Variants in PRRC2B observed in about 807,000 individuals in gnomAD.
PRRC2B encodes the protein protein PRRC2B.
Under a neutral mutation model 242.3 loss-of-function variants are expected in PRRC2B, and 68 were observed. The ratio of observed to expected loss-of-function variants is 0.28; its 90% CI spans 0.23 to 0.34. PRRC2B has a LOEUF of 0.34. PRRC2B is among the 10% of genes least tolerant of loss of function. The pLI is 1.00. For synonymous variants in PRRC2B, 1,228 were observed against 1,173.6 expected, an observed-to-expected ratio of 1.05 and a Z score of -0.95; for missense variants, 2,835 against 2,954.8, an observed-to-expected ratio of 0.96 and a Z score of 0.94.
chr9:131,448,556 A>AAAAAACAAAAAAAAG (rs1564287306), intron 9 of PRRC2B, among the ~76,000 whole-genome samples: 1 of 127,210 alleles, frequency 7.9e-6, no homozygotes, highest in Non-Finnish European at 1.7e-5. Flanking sequence ...AAAAAAAAAA[A>AAAAAACAAAAAAAAG]AAAAAAAAAA....
Position 131,447,172 on chromosome 9 carries a change from C to T in PRRC2B, c.943C>T (p.Pro315Ser). The change falls in exon 8 of 32, where the codon CCT becomes TCT. Residue 315 changes from proline to serine, a missense_variant. Around this residue, in one of 7 missense-constraint regions of PRRC2B, gnomAD observed 626 missense variants for 685.5 expected, o/e 0.91. Transcript: ENST00000683519. ...TCAGCTCCGCCTTGAACCTCGAGTT[C>T]CTTTTAGACAGTTCCAGATGAATGA... ...LPQLRLEPRV[P>S]FRQFQMNDQD... is the part of the protein sequence containing the mutation. 2 of 1,613,944 alleles carry T rather than the reference C, an allele frequency of 1.2e-6. No individual in the cohort carries two copies. The highest frequency in any genetic ancestry group is 1.7e-6 in the Non-Finnish European group (2 of 1,179,862).
chr9:131,420,498 T>C lies in PRRC2B; in HGVS notation c.-51-9596T>C, dbSNP rs944546310. Among the ~76,000 whole-genome samples, 28 of 90,760 alleles carry C rather than the reference T, an allele frequency of 3.1e-4. 1 individual carries two copies. The highest frequency in any genetic ancestry group is 8.3e-4 in the African/African-American group (18 of 21,752). 59.5% of individuals were successfully genotyped at this position (90,760 alleles called of 152,430 possible). On this transcript the variant is annotated intron_variant, in intron 1 of 31. Transcript: ENST00000683519. ...CTTTCTTTCTTTCTTTCTTTCTTTTTTTTTTTTTTTTTGAGATGGAGGCTC... is the reference window on the plus strand; with the variant it reads ...CTTTCTTTCTTTCTTTCTTTCTTTTCTTTTTTTTTTTTGAGATGGAGGCTC...
chr9:131,383,917 G>A (rs530067581), intron 1 of PRRC2B, among the ~76,000 whole-genome samples: 34 of 151,522 alleles, frequency 2.2e-4, no homozygotes, highest in African/African-American at 7.3e-4. Context: ...CACTGCGCCC[G>A]GCCGGTTTTG....
rs1324510786 is a variant in PRRC2B, at chr9:131,487,847, C to T, written c.5985-9C>T. The T allele has an allele frequency of 6.2e-7, 1 of 1,601,630 alleles. No homozygotes were observed. The highest frequency in any genetic ancestry group is 1.1e-5 in the South Asian group (1 of 90,616). Reference sequence around the variant, plus strand: ...CACCTGATCCCGACCATCTGTCTGGCTTTTGCAGATCTCAGGTGTACATGC... The same window carrying T: ...CACCTGATCCCGACCATCTGTCTGGTTTTTGCAGATCTCAGGTGTACATGC... On this transcript the variant is annotated splice_polypyrimidine_tract_variant and intron_variant, in intron 27 of 31. Transcript: ENST00000683519. This position sits in a 1 kb window ranked among gnomAD's most constrained non-coding sequence, Gnocchi z 5.3.
chr9:131,444,143 C>T, intron 5 of PRRC2B, 42 bp from the exon 6 acceptor site: 4 of 1,610,764 alleles, frequency 2.5e-6, no homozygotes, highest in Non-Finnish European at 3.4e-6. Context: ...CGACTGTTGA[C>T]TCCATCTCAC....
chr9:131,414,387 ACATTAAACTG>A (rs1466888247), intron 1 of PRRC2B, among the ~76,000 whole-genome samples: 1 of 34,650 alleles, frequency 2.9e-5, no homozygotes, highest in Non-Finnish European at 9.3e-5. Flanking sequence ...AAAATTTGAT[ACATTAAACTG>A]CATTAAAGTT....
intron 1 of PRRC2B, among the ~76,000 whole-genome samples, chr9:131,417,224 G>A (rs1404490912): frequency 6.6e-6 from 1 of 152,126 alleles, no homozygotes; most frequent in African/African-American, 2.4e-5. Context: ...GTGGTGTGGT[G>A]TTTGTCTGCT....
chr9:131,491,351 C>A, intron 28 of PRRC2B, 74 bp from the exon 29 acceptor site: 2 of 1,393,818 alleles, frequency 1.4e-6, no homozygotes, highest in Non-Finnish European at 1.9e-6. Context: ...AGTGCATGTG[C>A]GGTCGCTCTT....
At chr9:131,395,400 T>C (rs573612867) in intron 1 of PRRC2B, among the ~76,000 whole-genome samples, 71 of 152,244 alleles carry the variant, frequency 4.7e-4, no homozygotes, top group African/African-American at 1.5e-3. Context: ...CATTTAGTCA[T>C]GTCTATGCAC....
At chr9:131,478,649 G>GGGGGGGGGGGCCCCCGGGGC in intron 18 of PRRC2B, 30 bp downstream of exon 18, 1 of 504,562 alleles carries the variant, frequency 2.0e-6, no homozygotes, top group East Asian at 5.1e-5. Flanking sequence ...GGGGCATGGG[G>GGGGGGGGGGGCCCCCGGGGC]CTGGAGGGCA....
At chr9:131,375,292 G>A (rs1349567102) in intron 1 of PRRC2B, among the ~76,000 whole-genome samples, 2 of 152,060 alleles carry the variant, frequency 1.3e-5, no homozygotes, top group Non-Finnish European at 2.9e-5. Flanking sequence ...CCAGCTACTC[G>A]GGAGGCTAAG....
In PRRC2B at chr9:131,494,773, G is replaced by A. The variant is rs529847697; in HGVS notation, c.6555+287G>A. Among the ~76,000 whole-genome samples, 5 of 152,318 alleles carry A rather than the reference G, an allele frequency of 3.3e-5. No homozygotes were observed. In the South Asian group the frequency reaches 1.0e-3, roughly 32 times the overall value. ...GGTGGACCAGCCCTGGCAGGTCGGG[G>A]CTGAGGCGCCCTGGGAGACTCGGTT... On this transcript the variant is annotated intron_variant, in intron 31 of 31. Coordinates refer to ENST00000683519, the MANE Select transcript of PRRC2B (RefSeq NM_013318.4). This position sits in a 1 kb window ranked among gnomAD's most constrained non-coding sequence, Gnocchi z 4.3.
At chr9:131,414,453 C>G (rs1837588016) in intron 1 of PRRC2B, among the ~76,000 whole-genome samples, 1 of 77,218 alleles carries the variant, frequency 1.3e-5, no homozygotes, top group Non-Finnish European at 3.2e-5. Flanking sequence ...GCAATCAATA[C>G]TAATTTGTAA....
intron 1 of PRRC2B, among the ~76,000 whole-genome samples, chr9:131,404,334 C>T (rs1837307266): frequency 6.6e-6 from 1 of 151,782 alleles, no homozygotes; most frequent in Non-Finnish European, 1.5e-5. Flanking sequence ...ATTCTTCTGC[C>T]TCAGCCTCCC....
chr9:131,408,516 C>T (rs115492109), intron 1 of PRRC2B, among the ~76,000 whole-genome samples: 1 of 152,076 alleles, frequency 6.6e-6, no homozygotes, highest in Non-Finnish European at 1.5e-5. Context: ...TAAGTCTGAA[C>T]TAAACAGAAC....
intron 3 of PRRC2B, among the ~76,000 whole-genome samples, chr9:131,436,144 T>C (rs1452335131): frequency 6.6e-6 from 1 of 152,188 alleles, no homozygotes; most frequent in Admixed American, 6.5e-5. Context: ...TTGCATTGTT[T>C]ACAGTGAGCT....
At chr9:131,424,314 G>A (rs1224321815) in intron 1 of PRRC2B, among the ~76,000 whole-genome samples, 1 of 152,118 alleles carries the variant, frequency 6.6e-6, no homozygotes, top group Non-Finnish European at 1.5e-5. Flanking sequence ...TGCTTGTCTA[G>A]GCCACTCCTT....
At chr9:131,459,483 TC>T in intron 11 of PRRC2B, 127 bp downstream of exon 11, 2 of 878,958 alleles carry the variant, frequency 2.3e-6, no homozygotes, top group South Asian at 3.6e-5. Flanking sequence ...AAATGTTTTT[TC>T]ATAGAGACAG....
intron 14 of PRRC2B, among the ~76,000 whole-genome samples, chr9:131,472,038 G>A (rs1943561501): frequency 6.6e-6 from 1 of 152,194 alleles, no homozygotes; most frequent in South Asian, 2.1e-4. Flanking sequence ...TCTGTATCTT[G>A]TTCCTTTTAT....
Sources: allele counts gnomAD v4.1 joint callset (sites outside exome capture counted in the v4.1 genomes callset), GRCh38; gene constraint gnomAD v4.1.1; regional missense constraint gnomAD v4.1.1; non-coding constraint Gnocchi (gnomAD v3.1); transcripts MANE v1.5; gene names NCBI Gene and HGNC (gene_info 2026-07-23, HGNC 2026-07-21).